CWC27: variants seen among roughly 807,000 people sequenced by gnomAD.
CWC27 encodes the protein CWC27 spliceosome associated cyclophilin, also known as spliceosome-associated protein CWC27 homolog.
CWC27 carries 47 observed loss-of-function variants against 63.6 expected under a neutral mutation model. The observed-to-expected ratio is 0.74, with a 90% CI of 0.58 to 0.94. The LOEUF is 0.94. Ranked by LOEUF, CWC27 falls within the 40% of genes least tolerant of loss-of-function variation. The pLI is 0.00. For synonymous variants in CWC27, 175 were observed against 179.8 expected (o/e 0.97, Z 0.22); for missense variants, 495 against 554.3 (o/e 0.89, Z 1.07).
intron 11 of CWC27, among the ~76,000 whole-genome samples, chr5:64,898,489 A>G (rs946187506): frequency 6.6e-6 from 1 of 152,162 alleles, no homozygotes; most frequent in Admixed American, 6.6e-5. Context: ...ATAGCCAGAA[A>G]ATTGATTTGA....
rs1381459489 is a variant in CWC27 at position 65,015,559 on chromosome 5, G to A, written c.1257-2600G>A. On this transcript the variant is annotated intron_variant, in intron 13 of 13. Transcript: ENST00000381070. Reference sequence around the variant, plus strand: ...AGAGGGGTCTAGATGCCCCCGATGTGTGGTAAAGTACCTTTAACAGGACAG... The same window carrying A: ...AGAGGGGTCTAGATGCCCCCGATGTATGGTAAAGTACCTTTAACAGGACAG... 3.3e-5 allele frequency among the ~76,000 whole-genome samples: 5 copies of A among 152,282 alleles called. No homozygotes were observed. In the East Asian group the frequency reaches 9.6e-4, roughly 29 times the overall value.
At chr5:64,912,194 A>C (rs2112379986) in intron 11 of CWC27, among the ~76,000 whole-genome samples, 1 of 152,208 alleles carries the variant, frequency 6.6e-6, no homozygotes, top group East Asian at 1.9e-4. Context: ...CAGTGCCTTT[A>C]GGCACTGGTA....
At chr5:65,015,691 A>C (rs1343609388) in intron 13 of CWC27, among the ~76,000 whole-genome samples, 1 of 152,172 alleles carries the variant, frequency 6.6e-6, no homozygotes. Context: ...TTGAAGAAAA[A>C]GGCTACCTCT....
chr5:64,885,600 T>C, intron 11 of CWC27, 54 bp downstream of exon 11: 1 of 1,322,984 alleles, frequency 7.6e-7, no homozygotes, highest in Non-Finnish European at 1.1e-6. Context: ...CTTCTCTGTT[T>C]TCTTAGCTCC....
chr5:65,017,620 A>G (rs1444936147), intron 13 of CWC27, among the ~76,000 whole-genome samples: 1 of 152,262 alleles, frequency 6.6e-6, no homozygotes, highest in Non-Finnish European at 1.5e-5. Flanking sequence ...CTTTTGTATG[A>G]AGAAAATATT....
At chr5:64,870,890 A>G (rs916869462) in intron 10 of CWC27, among the ~76,000 whole-genome samples, 1 of 152,076 alleles carries the variant, frequency 6.6e-6, no homozygotes, top group African/African-American at 2.4e-5. Context: ...CTTTTATTAT[A>G]TTTATAAACA....
intron 10 of CWC27, among the ~76,000 whole-genome samples, chr5:64,812,211 A>G (rs543462989): frequency 6.6e-6 from 1 of 152,256 alleles, no homozygotes; most frequent in South Asian, 2.1e-4. Context: ...ACATTTTTAA[A>G]TGATAGTACA....
At chr5:65,006,474 A>G (rs145784493) in intron 13 of CWC27, among the ~76,000 whole-genome samples, 3 of 152,306 alleles carry the variant, frequency 2.0e-5, no homozygotes, top group African/African-American at 7.2e-5. Context: ...CTCACCAAAT[A>G]TAAATTACCT....
intron 13 of CWC27, among the ~76,000 whole-genome samples, chr5:64,981,244 AT>A (rs1749327526): frequency 6.6e-6 from 1 of 152,210 alleles, no homozygotes; most frequent in Non-Finnish European, 1.5e-5. Context: ...TACATCAAAT[AT>A]GTAAAAGTAT....
chr5:64,819,273 T>A (rs1003431320), intron 10 of CWC27, among the ~76,000 whole-genome samples: 4 of 152,128 alleles, frequency 2.6e-5, no homozygotes, highest in African/African-American at 7.2e-5. Context: ...CTGGACTTAA[T>A]AATACCTGGG....
intron 10 of CWC27, chr5:64,808,045 T>C (rs1017154004): frequency 7.5e-7 from 1 of 1,329,186 alleles, no homozygotes; most frequent in East Asian, 3.2e-5. Context: ...GATTTTTGTC[T>C]CTTTTCTCTT....
intron 11 of CWC27, among the ~76,000 whole-genome samples, chr5:64,887,520 C>T (rs1747105284): frequency 6.6e-6 from 1 of 152,122 alleles, no homozygotes; most frequent in South Asian, 2.1e-4. Flanking sequence ...GCATGCACCA[C>T]CACACCTGTC....
chr5:64,838,692 C>T (rs536051904), intron 10 of CWC27, among the ~76,000 whole-genome samples: 21 of 152,240 alleles, frequency 1.4e-4, no homozygotes, highest in African/African-American at 2.2e-4. Context: ...ACAAGTGCTC[C>T]GGAAAGCCCA....
At chr5:64,798,631 T>G (rs1744365940) in intron 7 of CWC27, among the ~76,000 whole-genome samples, 1 of 152,196 alleles carries the variant, frequency 6.6e-6, no homozygotes, top group Non-Finnish European at 1.5e-5. Context: ...ATAAGCATGT[T>G]TTAATTGATT....
intron 13 of CWC27, among the ~76,000 whole-genome samples, chr5:64,983,078 A>G (rs1215165604): frequency 6.6e-6 from 1 of 152,210 alleles, no homozygotes; most frequent in Non-Finnish European, 1.5e-5. Context: ...TCATGGAAAG[A>G]CTGTCTTCCA....
intron 11 of CWC27, among the ~76,000 whole-genome samples, chr5:64,886,163 G>A (rs1010921895): frequency 4.6e-5 from 7 of 151,832 alleles, no homozygotes; most frequent in Admixed American, 1.3e-4. Flanking sequence ...AGGTTAACTA[G>A]CTTCTTTGTT....
chr5:64,847,012 GAAAAA>G lies in CWC27; in HGVS notation c.939-38430_939-38426del, dbSNP rs1372056837. Among the ~76,000 whole-genome samples the G allele has an allele frequency of 4.1e-5, 5 of 123,074 alleles. No individual in the cohort carries two copies. The East Asian group carries it at 1.3e-3, about 33-fold the overall frequency. The allele number at this position is 123,074 out of a possible 152,430, so 80.7% of individuals were successfully genotyped here. ...CCATCTCAAAAAAAAAAAAAAAAAA[GAAAAA>G]GGAAATGGCAATAGTACATCCTACA... On this transcript the variant is annotated intron_variant, in intron 10 of 13. Coordinates refer to ENST00000381070, the MANE Select transcript of CWC27 (RefSeq NM_005869.4).
intron 8 of CWC27, 101 bp downstream of exon 8, chr5:64,800,428 A>G: frequency 1.4e-6 from 1 of 720,618 alleles, no homozygotes; most frequent in Admixed American, 3.1e-5. Flanking sequence ...TAAGTCAAAA[A>G]TTTTTAAGCC....
rs78490305 is a variant in CWC27 at position 64,883,661 on chromosome 5, A to C, written c.939-1782A>C. On this transcript the variant is annotated intron_variant, in intron 10 of 13. Coordinates refer to ENST00000381070, the MANE Select transcript of CWC27 (RefSeq NM_005869.4). ...GAGGAGAAATGAGAAAAGGCCATTG[A>C]ATTTGGTTGATATAGAAGCAGTTTC... Among the ~76,000 whole-genome samples the C allele has an allele frequency of 1.2e-3, 180 of 152,276 alleles. 3 individuals carry two copies. The highest frequency in any genetic ancestry group is 4.2e-3 in the African/African-American group (176 of 41,566).
Sources: gnomAD v4.1 joint callset for allele counts (sites outside exome capture counted in the v4.1 genomes callset) on GRCh38, gnomAD v4.1.1 for gene constraint, MANE v1.5 for transcripts, NCBI Gene and HGNC (gene_info 2026-07-23, HGNC 2026-07-21) for gene names.